WAPL: variants seen among roughly 807,000 people sequenced by gnomAD.
WAPL encodes WAPL cohesin release factor, also known as wings apart-like protein homolog.
A neutral mutation model predicts 121.0 loss-of-function variants in WAPL; 5 were observed. The ratio of observed to expected loss-of-function variants is 0.04; its 90% CI spans 0.02 to 0.09. The LOEUF (loss-of-function observed/expected upper bound fraction) is 0.09. Ranked by LOEUF, WAPL falls within the 10% of genes least tolerant of loss-of-function variation. The pLI, the probability that WAPL is intolerant of heterozygous loss-of-function variation, is 1.00. For missense variants in WAPL, 999 were observed against 1,410.8 expected (o/e 0.71, Z 4.68); for synonymous variants, 480 against 481.5 (o/e 1.00, Z 0.04).
intron 15 of WAPL, among the ~76,000 whole-genome samples, chr10:86,450,338 C>T (rs1840947112): frequency 6.6e-6 from 1 of 152,162 alleles, no homozygotes; most frequent in Non-Finnish European, 1.5e-5. Context: ...TGGGTGCAAG[C>T]AATCCTCTCA....
chr10:86,470,251 C>G (rs548270867), intron 8 of WAPL, among the ~76,000 whole-genome samples: 2 of 152,226 alleles, frequency 1.3e-5, no homozygotes, highest in Admixed American at 6.5e-5. Flanking sequence ...CCAGGCTGAT[C>G]TCAAACTCCT....
Position 86,437,334 on chromosome 10 carries a change from A to AT in WAPL, c.*208dup, listed in dbSNP as rs968884418. On this transcript the variant is annotated 3_prime_UTR_variant, in exon 19 of 19. Transcript: ENST00000298767. ...TTAACAGCCTGAACCTTTTCCCCTCATTTTTGATAGTTGCAGATTGATGTA... is the reference window on the plus strand; with the variant it reads ...TTAACAGCCTGAACCTTTTCCCCTCATTTTTTGATAGTTGCAGATTGATGTA... 14 of 529,736 alleles carry AT rather than the reference A, an allele frequency of 2.6e-5. No homozygotes were observed. The highest frequency in any genetic ancestry group is 4.0e-5 in the Non-Finnish European group (12 of 303,412). 32.8% of individuals were successfully genotyped at this position (529,736 alleles called of 1,614,324 possible). A position where few individuals can be genotyped will look rare whatever the true frequency, so the allele number is the denominator to read the frequency against.
chr10:86,475,053 T>C (rs1252365878), intron 4 of WAPL, among the ~76,000 whole-genome samples: 1 of 152,186 alleles, frequency 6.6e-6, no homozygotes, highest in Non-Finnish European at 1.5e-5. Context: ...AGATGTAAAG[T>C]CCCTCACACA....
At chr10:86,446,502 C>G (rs1849622873) in intron 15 of WAPL, 53 bp from the exon 16 acceptor site, 3 of 1,524,064 alleles carry the variant, frequency 2.0e-6, no homozygotes, top group Non-Finnish European at 2.7e-6. Context: ...AATCAATATG[C>G]ATATATGCAA....
In WAPL at chr10:86,467,422, G is replaced by A. The variant is rs775434727; in HGVS notation, c.2227C>T (p.Leu743=). The change falls in exon 9 of 19, where the codon CTA becomes TTA. Residue 743 remains leucine, a synonymous_variant. Coordinates refer to ENST00000298767, the MANE Select transcript of WAPL (RefSeq NM_015045.5). The stretch of plus-strand genomic sequence containing the variant: ...TCCAGTTCCAAAAGTCGAATCATTA[G>A]ATCTAAGCTAGCTCTATCAAGATCC... ...NMDLDRASLD[L]MIRLLELEQD... is the part of the protein sequence containing the mutation. The A allele has an allele frequency of 3.7e-6, 6 of 1,613,946 alleles. No individual in the cohort carries two copies. Among genetic ancestry groups the A allele is most frequent in the Middle Eastern group, 3.3e-4 (2 of 6,062 alleles).
In WAPL at chr10:86,500,324, C is replaced by T; in HGVS notation, c.919G>A (p.Gly307Arg). The T allele has an allele frequency of 6.2e-7, 1 of 1,614,192 alleles. No individual in the cohort carries two copies. Among genetic ancestry groups the T allele is most frequent in the Non-Finnish European group, 8.5e-7 (1 of 1,180,022 alleles). The stretch of plus-strand genomic sequence containing the variant: ...ATCAGCTTATCAAAATTTGATGCTC[C>T]TTGGGAGGATTTCGTTTTATTGGCC... ...CRANKTKSSQ[G>R]ASNFDKLMDG... The change falls in exon 3 of 19, where the codon GGA becomes AGA. Residue 307 changes from glycine to arginine, a missense_variant. Physicochemically the swap from Gly to Arg is moderately radical, Grantham distance 125. Around this residue, in one of 7 missense-constraint regions of WAPL, gnomAD observed 531 missense variants for 563.1 expected, o/e 0.94. Coordinates refer to ENST00000298767, the MANE Select transcript of WAPL (RefSeq NM_015045.5).
At chr10:86,494,197 AAT>A (rs1483996381) in intron 4 of WAPL, among the ~76,000 whole-genome samples, 2 of 152,220 alleles carry the variant, frequency 1.3e-5, no homozygotes, top group East Asian at 1.9e-4. Context: ...AAGGAATAAA[AAT>A]AGTTAATTTT....
intron 1 of WAPL, among the ~76,000 whole-genome samples, chr10:86,518,932 G>A (rs1161453842): frequency 2.0e-5 from 3 of 152,068 alleles, no homozygotes; most frequent in Admixed American, 1.3e-4. Flanking sequence ...ATCTCCCTAG[G>A]GAAAGAAACT....
chr10:86,439,971 C>T (rs751516362), intron 17 of WAPL, among the ~76,000 whole-genome samples: 4 of 152,246 alleles, frequency 2.6e-5, no homozygotes, highest in Non-Finnish European at 4.4e-5. Context: ...GTAAACCAAA[C>T]TTCCTTTACA....
At chr10:86,483,861 C>A (rs1476727544) in intron 4 of WAPL, among the ~76,000 whole-genome samples, 1 of 123,946 alleles carries the variant, frequency 8.1e-6, no homozygotes, top group African/African-American at 3.2e-5. Flanking sequence ...GTGGCGCGAT[C>A]TCGGCTCCCG....
chr10:86,503,611 G>C (rs1203483821), intron 2 of WAPL, among the ~76,000 whole-genome samples: 1 of 152,018 alleles, frequency 6.6e-6, no homozygotes, highest in Non-Finnish European at 1.5e-5. Context: ...AAATGAGCCA[G>C]GCGTGGTGGC....
chr10:86,482,897 G>A (rs1181245396), intron 4 of WAPL, among the ~76,000 whole-genome samples: 2 of 152,136 alleles, frequency 1.3e-5, no homozygotes, highest in Admixed American at 1.3e-4. Flanking sequence ...CTGGAGATCT[G>A]ACTTATAGCA....
intron 2 of WAPL, among the ~76,000 whole-genome samples, chr10:86,502,934 C>A (rs752768779): frequency 6.7e-6 from 1 of 149,176 alleles, no homozygotes; most frequent in African/African-American, 2.5e-5. Context: ...CCAAGGCGGG[C>A]GGATCATGAG....
At chr10:86,488,401 G>C (rs2132210170) in intron 4 of WAPL, 1 of 152,340 alleles carries the variant, frequency 6.6e-6, no homozygotes, top group African/African-American at 2.4e-5. Context: ...CTCCAGGACT[G>C]GGAAAGTATA....
chr10:86,463,448 T>C (rs1291444429), intron 9 of WAPL, among the ~76,000 whole-genome samples: 2 of 152,266 alleles, frequency 1.3e-5, no homozygotes, highest in African/African-American at 2.4e-5. Context: ...TTGATAATCT[T>C]GACCCTGTGT....
In WAPL at chr10:86,464,309, T is replaced by C. The variant is rs1367855586; in HGVS notation, c.2370+2970A>G. ...ATTTAATAGAGTGTAGGAAAGTTTTTATTCTGGTATTTATCATCCTAATAA... is the reference window on the plus strand; with the variant it reads ...ATTTAATAGAGTGTAGGAAAGTTTTCATTCTGGTATTTATCATCCTAATAA... On this transcript the variant is annotated intron_variant, in intron 9 of 18. Transcript: ENST00000298767. Among the ~76,000 whole-genome samples, 4 of 152,210 alleles carry C rather than the reference T, an allele frequency of 2.6e-5. No individual in the cohort carries two copies. The East Asian group carries it at 7.7e-4, about 29-fold the overall frequency.
At chr10:86,513,945 G>A (rs934416341) in intron 2 of WAPL, among the ~76,000 whole-genome samples, 1 of 152,222 alleles carries the variant, frequency 6.6e-6, no homozygotes, top group African/African-American at 2.4e-5. Context: ...AGACTGCTAA[G>A]ATTTCTGAGA....
Position 86,457,552 on chromosome 10 carries a change from C to G in WAPL, c.2657+1437G>C, listed in dbSNP as rs560454125. Among the ~76,000 whole-genome samples, 8 of 151,772 alleles carry G rather than the reference C, an allele frequency of 5.3e-5. No homozygotes were observed. The South Asian group carries it at 1.7e-3, about 32-fold the overall frequency. On this transcript the variant is annotated intron_variant, in intron 12 of 18. Transcript: ENST00000298767. The stretch of plus-strand genomic sequence containing the variant: ...CCTGTTGTCCCAGCTATTCGGAAGG[C>G]TGAGGCAGGAGAATCATGTGAATCC...
At chr10:86,474,756 A>G (rs766760045) in intron 4 of WAPL, among the ~76,000 whole-genome samples, 5 of 152,170 alleles carry the variant, frequency 3.3e-5, no homozygotes, top group Admixed American at 1.3e-4. Flanking sequence ...TAATGATGAT[A>G]ATAATAATAG....
Sources: gnomAD v4.1 joint callset for allele counts (sites outside exome capture counted in the v4.1 genomes callset) on GRCh38, gnomAD v4.1.1 for gene constraint, gnomAD v4.1.1 regional missense constraint, MANE v1.5 for transcripts, NCBI Gene and HGNC (gene_info 2026-07-23, HGNC 2026-07-21) for gene names.